AFF3: variants seen among roughly 807,000 people sequenced by gnomAD.
The protein encoded by AFF3 is AF4/FMR2 family member 3.
A neutral mutation model predicts 129.7 loss-of-function variants in AFF3; 32 were observed. The ratio of observed to expected loss-of-function variants is 0.25; its 90% CI spans 0.19 to 0.33. The LOEUF is 0.33. Among genes scored for constraint, AFF3 ranks in the 10% least tolerant of loss-of-function variants. AFF3 has a pLI of 1.00. For missense variants in AFF3, 1,373 were observed against 1,592.0 expected (o/e 0.86, Z 2.34); for synonymous variants, 644 against 635.4 (o/e 1.01, Z -0.20).
chr2:99,547,495 CTTTTTT>C lies in AFF3; in HGVS notation c.*3973_*3978del. The C allele has an allele frequency of 5.5e-6, 1 of 183,468 alleles. No homozygotes were observed. The highest frequency in any genetic ancestry group is 8.6e-5 in the East Asian group (1 of 11,588). 11.4% of individuals were successfully genotyped at this position (183,468 alleles called of 1,614,324 possible). ...TGTCTACATTGTTAAAAAAATCTTG[CTTTTTT>C]TTTTTTTTGGTGATGCAGATTTCAA... is the stretch of plus-strand genomic sequence containing the variant. On this transcript the variant is annotated 3_prime_UTR_variant, in exon 25 of 25. Transcript: ENST00000672756.
intron 4 of AFF3, among the ~76,000 whole-genome samples, chr2:100,065,254 A>C (rs1344923892): frequency 5.3e-5 from 8 of 152,228 alleles, no homozygotes; most frequent in African/African-American, 1.9e-4. Flanking sequence ...AAGAGCAATA[A>C]ATTTTTTTAA....
intron 7 of AFF3, among the ~76,000 whole-genome samples, chr2:99,999,890 G>A (rs1681222143): frequency 6.6e-6 from 1 of 152,184 alleles, no homozygotes; most frequent in African/African-American, 2.4e-5. Flanking sequence ...TTACAGCAGA[G>A]AGAGGGGTCC....
intron 7 of AFF3, among the ~76,000 whole-genome samples, chr2:99,996,527 A>ATTTTTTTTTTTTTTTT (rs756231548): frequency 7.0e-5 from 8 of 114,084 alleles, no homozygotes; most frequent in African/African-American, 2.7e-4. Context: ...CGCCCGGCTA[A>ATTTTTTTTTTTTTTTT]TTTTTTTTTT....
intron 8 of AFF3, among the ~76,000 whole-genome samples, chr2:99,835,649 T>A (rs72819119): frequency 0.13 from 19,241 of 152,006 alleles, 1,377 homozygotes; most frequent in Admixed American, 0.22. Context: ...CATCTCTCTT[T>A]CCTCCTCGTC....
chr2:100,010,490 G>A (rs1272244723), intron 4 of AFF3, among the ~76,000 whole-genome samples: 1 of 152,102 alleles, frequency 6.6e-6, no homozygotes, highest in Non-Finnish European at 1.5e-5. Context: ...TTAAGGTTAG[G>A]GAATGTAAAG....
At chr2:99,991,076 A>G (rs1680295016) in intron 7 of AFF3, among the ~76,000 whole-genome samples, 1 of 152,178 alleles carries the variant, frequency 6.6e-6, no homozygotes, top group Non-Finnish European at 1.5e-5. Flanking sequence ...ATGTTCTCCC[A>G]AAGATACCAT....
intron 10 of AFF3, among the ~76,000 whole-genome samples, chr2:99,742,813 A>C (rs990750476): frequency 6.6e-6 from 1 of 152,242 alleles, no homozygotes; most frequent in African/African-American, 2.4e-5. Flanking sequence ...AAATACTGTA[A>C]GTCAGGACGC....
chr2:99,774,265 C>G (rs1312421291), intron 8 of AFF3, among the ~76,000 whole-genome samples: 2 of 152,070 alleles, frequency 1.3e-5, no homozygotes, highest in Non-Finnish European at 2.9e-5. Flanking sequence ...CAAAAAAGAG[C>G]CCAAATAGCC....
chr2:100,130,805 A>G (rs1346470478), intron 1 of AFF3, among the ~76,000 whole-genome samples: 1 of 152,166 alleles, frequency 6.6e-6, no homozygotes. Flanking sequence ...CCACAGAGAC[A>G]GAGACACTAG....
At chr2:100,040,599 G>A (rs1685338970) in intron 4 of AFF3, among the ~76,000 whole-genome samples, 1 of 152,158 alleles carries the variant, frequency 6.6e-6, no homozygotes, top group Non-Finnish European at 1.5e-5. Context: ...GATGTTGAAG[G>A]AGCGACCAGG....
In AFF3 at chr2:99,727,156, G is replaced by A. The variant is rs774340346; in HGVS notation, c.1040-28C>T. 1.1e-5 allele frequency: 17 copies of A among 1,593,700 alleles called. No homozygotes were observed. The Admixed American group carries it at 1.5e-4, about 14-fold the overall frequency. On this transcript the variant is annotated intron_variant, in intron 10 of 24. Transcript: ENST00000672756. Reference sequence around the variant, plus strand: ...TAAAAAGGAAGCAGAAAAAAATACCGACATATGAGTCTTACAGTCTTTAAG... The same window carrying A: ...TAAAAAGGAAGCAGAAAAAAATACCAACATATGAGTCTTACAGTCTTTAAG...
At chr2:100,121,784 C>T (rs560086718) in intron 2 of AFF3, among the ~76,000 whole-genome samples, 8 of 152,276 alleles carry the variant, frequency 5.3e-5, no homozygotes, top group Admixed American at 2.0e-4. Flanking sequence ...AGCATATGGC[C>T]GGGCGCGGTG....
At chr2:99,691,100 C>G (rs1675612028) in intron 11 of AFF3, among the ~76,000 whole-genome samples, 1 of 152,098 alleles carries the variant, frequency 6.6e-6, no homozygotes, top group African/African-American at 2.4e-5. Flanking sequence ...CATTTCTGGC[C>G]TTGTCTCCTC....
At chr2:100,079,274 G>A (rs1688851870) in intron 4 of AFF3, among the ~76,000 whole-genome samples, 1 of 152,020 alleles carries the variant, frequency 6.6e-6, no homozygotes, top group African/African-American at 2.4e-5. Context: ...ATCCAAGTTT[G>A]GTTGAATCCA....
In AFF3 at chr2:99,948,384, G is replaced by C. The variant is rs137892946; in HGVS notation, c.873+58248C>G. Among the ~76,000 whole-genome samples the C allele has an allele frequency of 4.6e-4, 70 of 152,272 alleles. No homozygotes were observed. In the East Asian group the frequency reaches 0.013, roughly 27 times the overall value. Reference sequence around the variant, plus strand: ...TGCAACAACTGCTCATAGTGCCTCGGGTTCCATCTCCCTGCCCCATTACAC... The same window carrying C: ...TGCAACAACTGCTCATAGTGCCTCGCGTTCCATCTCCCTGCCCCATTACAC... On this transcript the variant is annotated intron_variant, in intron 7 of 24. Coordinates refer to ENST00000672756, the MANE Select transcript of AFF3 (RefSeq NM_001386135.1).
chr2:99,791,193 A>G (rs971135394), intron 8 of AFF3, among the ~76,000 whole-genome samples: 1 of 152,134 alleles, frequency 6.6e-6, no homozygotes, highest in African/African-American at 2.4e-5. Flanking sequence ...TTCTTTATTC[A>G]AGATGGAAAT....
intron 14 of AFF3, among the ~76,000 whole-genome samples, chr2:99,600,956 A>G (rs951548340): frequency 6.6e-6 from 1 of 152,164 alleles, no homozygotes; most frequent in Admixed American, 6.5e-5. Flanking sequence ...AGAAGGTTTT[A>G]TTAATATTTA....
intron 8 of AFF3, among the ~76,000 whole-genome samples, chr2:99,817,118 G>A (rs955049903): frequency 6.6e-6 from 1 of 152,184 alleles, no homozygotes; most frequent in Non-Finnish European, 1.5e-5. Context: ...GGTTCAGCTA[G>A]AGGTTCTGCA....
chr2:99,971,661 G>C lies in AFF3; in HGVS notation c.873+34971C>G, dbSNP rs527676237. On this transcript the variant is annotated intron_variant, in intron 7 of 24. Transcript: ENST00000672756. Reference sequence around the variant, plus strand: ...ATGTAGTTTTGATCCACTTTGTATTGAAAACTCTAAGCAGGGTAATATGAT... The same window carrying C: ...ATGTAGTTTTGATCCACTTTGTATTCAAAACTCTAAGCAGGGTAATATGAT... Among the ~76,000 whole-genome samples, 93 of 152,238 alleles carry C rather than the reference G, an allele frequency of 6.1e-4. 1 individual carries two copies. Among genetic ancestry groups the C allele is most frequent in the Middle Eastern group, 6.8e-3 (2 of 294 alleles).
Sources: allele counts gnomAD v4.1 joint callset (sites outside exome capture counted in the v4.1 genomes callset), GRCh38; gene constraint gnomAD v4.1.1; transcripts MANE v1.5; gene names NCBI Gene and HGNC (gene_info 2026-07-23, HGNC 2026-07-21).